PNPLA1: variants seen among roughly 807,000 people sequenced by gnomAD.
PNPLA1 encodes patatin like domain 1, omega-hydroxyceramide transacylase.
A neutral mutation model predicts 51.7 loss-of-function variants in PNPLA1; 36 were observed. The ratio of observed to expected loss-of-function variants is 0.70; its 90% CI spans 0.53 to 0.92. PNPLA1 has a LOEUF of 0.92. Among genes scored for constraint, PNPLA1 ranks in the 40% least tolerant of loss-of-function variants. PNPLA1 has a pLI of 0.00. For missense variants in PNPLA1, 658 were observed against 682.5 expected, an observed-to-expected ratio of 0.96 and a Z score of 0.40; for synonymous variants, 293 against 280.1, an observed-to-expected ratio of 1.05 and a Z score of -0.46.
chr6:36,269,498 CTA>C (rs1266650551), upstream of PNPLA1, among the ~76,000 whole-genome samples: 4 of 152,168 alleles, frequency 2.6e-5, no homozygotes, highest in Non-Finnish European at 5.9e-5. Flanking sequence ...TTAAACATTG[CTA>C]TCTCAAACTT....
intron 1 of PNPLA1, among the ~76,000 whole-genome samples, chr6:36,272,316 C>T (rs569620442): frequency 3.9e-5 from 6 of 152,206 alleles, no homozygotes; most frequent in Admixed American, 1.3e-4. Context: ...ATAAGGTTCA[C>T]GCTCCTATAA....
chr6:36,282,048 A>AGAAAGAAAGAAAGAAAGAAG (rs1770303685), intron 1 of PNPLA1, among the ~76,000 whole-genome samples: 1 of 67,602 alleles, frequency 1.5e-5, no homozygotes, highest in African/African-American at 6.0e-5. Context: ...AAAGAAGGAA[A>AGAAAGAAAGAAAGAAAGAAG]GAAAGAAAGA....
Position 36,306,344 on chromosome 6 carries a change from T to C in PNPLA1, c.1437T>C (p.His479=), listed in dbSNP as rs755289820. Residue 479 remains histidine (H), a synonymous_variant, in exon 7 of 9, where the codon CAT becomes CAC. Coordinates refer to ENST00000636260, the MANE Select transcript of PNPLA1 (RefSeq NM_001374623.1). The part of the protein sequence containing the change: ...SKPKSAVPLV[H]VKETVSKPYV... Reference sequence around the variant, plus strand: ...CAAAAAGCGCCGTGCCTCTGGTTCATGTGAAGGAAACCGTCAGCAAGCCTT... The same window carrying C: ...CAAAAAGCGCCGTGCCTCTGGTTCACGTGAAGGAAACCGTCAGCAAGCCTT... 5.6e-6 allele frequency: 9 copies of C among 1,613,378 alleles called. No homozygotes were observed. The highest frequency in any genetic ancestry group is 1.7e-5 in the Admixed American group (1 of 59,824).
At chr6:36,263,682 G>A (rs1250636109) in intron 1 of PNPLA1, among the ~76,000 whole-genome samples, 1 of 151,718 alleles carries the variant, frequency 6.6e-6, no homozygotes, top group Non-Finnish European at 1.5e-5. Context: ...TTGATGTTCT[G>A]GCATTTGTGG....
At position 36,302,111 on chromosome 6, in the gene PNPLA1, T is replaced by C. The variant is rs775006894; in HGVS notation, c.1026T>C (p.Pro342=). 1 of 1,614,238 alleles carries C rather than the reference T, an allele frequency of 6.2e-7. No homozygotes were observed. Among genetic ancestry groups the C allele is most frequent in the South Asian group, 1.1e-5 (1 of 91,088 alleles). Reference sequence around the variant, plus strand: ...CACTTGAATTCACATGCGAGTCACCTGTTTCAGCACCAGTCTCTCCACTTG... The same window carrying C: ...CACTTGAATTCACATGCGAGTCACCCGTTTCAGCACCAGTCTCTCCACTTG... ...VQTLEFTCES[P]VSAPVSPLEQ... is the part of the protein sequence containing the mutation. Residue 342 remains proline (P), a synonymous_variant, in exon 6 of 9, where the codon CCT becomes CCC. Coordinates refer to ENST00000636260, the MANE Select transcript of PNPLA1 (RefSeq NM_001374623.1).
chr6:36,257,967 A>G (rs907895500), intron 1 of PNPLA1, among the ~76,000 whole-genome samples: 3 of 152,162 alleles, frequency 2.0e-5, no homozygotes, highest in African/African-American at 7.2e-5. Context: ...CTTCCCTCTG[A>G]TGAATAGGAG....
chr6:36,260,732 T>A lies in PNPLA1; in HGVS notation c.-81+17471T>A, dbSNP rs561664940. ...TTTTGTACTTAAAATATCATACAGA[T>A]GAATCCACATCAGGTCTGTTTCGAT... On this transcript the variant is annotated intron_variant, in intron 1 of 7. Transcript: ENST00000312917. Among the ~76,000 whole-genome samples the A allele has an allele frequency of 2.6e-5, 4 of 152,352 alleles. No homozygotes were observed. In the East Asian group the frequency reaches 7.7e-4, roughly 29 times the overall value.
Position 36,307,670 on chromosome 6 carries a change from T to A in PNPLA1, c.1553T>A (p.Phe518Tyr), listed in dbSNP as rs779988959. The A allele has an allele frequency of 1.2e-6, 2 of 1,613,980 alleles. No individual in the cohort carries two copies. Among genetic ancestry groups the A allele is most frequent in the Non-Finnish European group, 1.7e-6 (2 of 1,179,990 alleles). ...KQKTSGTRKG[F>Y]PRHSGSKKPS... is the part of the protein sequence containing the mutation. The stretch of plus-strand genomic sequence containing the variant: ...AAGACAAGTGGCACCAGAAAAGGCT[T>A]CCCAAGACATTCGGGATCCAAAAAA... The change falls in exon 8 of 9, where the codon TTC (phenylalanine) becomes TAC (tyrosine). Residue 518 changes from phenylalanine (F) to tyrosine (Y), a missense_variant. By Grantham distance (22) the Phe-to-Tyr change is conservative. Coordinates refer to ENST00000636260, the MANE Select transcript of PNPLA1 (RefSeq NM_001374623.1).
At chr6:36,268,984 C>T (rs1006122328), upstream of PNPLA1, among the ~76,000 whole-genome samples, 10 of 151,532 alleles carry the variant, frequency 6.6e-5, no homozygotes, top group South Asian at 4.2e-4. Flanking sequence ...CACGCATGTA[C>T]GCACACACAC....
At chr6:36,306,486 T>G in intron 7 of PNPLA1, 110 bp downstream of exon 7, 1 of 961,058 alleles carries the variant, frequency 1.0e-6, no homozygotes, top group Non-Finnish European at 1.6e-6. Flanking sequence ...GGGATCCTTT[T>G]CTGGTGTGTG....
intron 1 of PNPLA1, among the ~76,000 whole-genome samples, chr6:36,251,502 C>T (rs1054462246): frequency 6.6e-6 from 1 of 152,326 alleles, no homozygotes; most frequent in African/African-American, 2.4e-5. Flanking sequence ...AGGAATGATG[C>T]ATGTCAAGTT....
At chr6:36,286,903 C>T (rs893148856) in intron 1 of PNPLA1, among the ~76,000 whole-genome samples, 1 of 150,978 alleles carries the variant, frequency 6.6e-6, no homozygotes, top group African/African-American at 2.4e-5. Context: ...CAGAGCTGAT[C>T]TCAAACTCCC....
intron 1 of PNPLA1, among the ~76,000 whole-genome samples, chr6:36,288,476 C>T (rs912234609): frequency 6.9e-6 from 1 of 144,082 alleles, no homozygotes; most frequent in Non-Finnish European, 1.5e-5. Context: ...GACGGAGTCT[C>T]GCTCTGTCGC....
In PNPLA1 at chr6:36,281,427, G is replaced by A. The variant is rs141959587; in HGVS notation, c.206-9893G>A. On this transcript the variant is annotated intron_variant, in intron 1 of 8. Coordinates refer to ENST00000636260, the MANE Select transcript of PNPLA1 (RefSeq NM_001374623.1). Reference sequence around the variant, plus strand: ...CTTTTGAATAACAGCTATTTACCAAGCACTTAGAATGTGCCAGGTCCCGTG... The same window carrying A: ...CTTTTGAATAACAGCTATTTACCAAACACTTAGAATGTGCCAGGTCCCGTG... Among the ~76,000 whole-genome samples, 21 of 152,250 alleles carry A rather than the reference G, an allele frequency of 1.4e-4. No homozygotes were observed. The East Asian group carries it at 3.7e-3, about 27-fold the overall frequency.
intron 1 of PNPLA1, among the ~76,000 whole-genome samples, chr6:36,246,450 C>A (rs547466824): frequency 1.2e-4 from 18 of 152,310 alleles, no homozygotes; most frequent in African/African-American, 4.1e-4. Context: ...GATCCGCCCA[C>A]CTTGGCCTCC....
Position 36,291,561 on chromosome 6 carries a change from G to A in PNPLA1, c.438+9G>A. 1 of 1,429,444 alleles carries A rather than the reference G, an allele frequency of 7.0e-7. No homozygotes were observed. The highest frequency in any genetic ancestry group is 9.7e-7 in the Non-Finnish European group (1 of 1,033,652). 88.5% of individuals were successfully genotyped at this position (1,429,444 alleles called of 1,614,324 possible). A position where few individuals can be genotyped will look rare whatever the true frequency, so the allele number is the denominator to read the frequency against. On this transcript the variant is annotated intron_variant, in intron 2 of 8. Transcript: ENST00000636260. ...AGGAGGAGCTCATTGAGGCAAGGGG[G>A]CTGGGCTGGGAGGGAGGGACACGGA... is the stretch of plus-strand genomic sequence containing the variant.
chr6:36,262,116 G>C (rs948613118), intron 1 of PNPLA1, among the ~76,000 whole-genome samples: 1 of 152,204 alleles, frequency 6.6e-6, no homozygotes, highest in Non-Finnish European at 1.5e-5. Context: ...GCAGTGCAAG[G>C]AGACTGAGAG....
intron 1 of PNPLA1, among the ~76,000 whole-genome samples, chr6:36,251,315 C>T (rs1224191944): frequency 6.6e-6 from 1 of 152,164 alleles, no homozygotes; most frequent in Non-Finnish European, 1.5e-5. Context: ...CCTAGAACTC[C>T]TGGGCTGCTG....
intron 5 of PNPLA1, among the ~76,000 whole-genome samples, chr6:36,301,114 G>GGGGGGGGGGGGGGGCCCCCCCC (rs150993822): frequency 1.0e-5 from 1 of 99,922 alleles, no homozygotes. Flanking sequence ...CCATCCCCCC[G>GGGGGGGGGGGGGGGCCCCCCCC]CCCCCCCACC....
Sources: gnomAD v4.1 joint callset for allele counts (sites outside exome capture counted in the v4.1 genomes callset) on GRCh38, gnomAD v4.1.1 for gene constraint, MANE v1.5 for transcripts, NCBI Gene and HGNC (gene_info 2026-07-23, HGNC 2026-07-21) for gene names.